AKAP7: variants seen among roughly 807,000 people sequenced by gnomAD.
AKAP7 encodes the protein A kinase (PRKA) anchor protein 7.
A neutral mutation model predicts 39.5 loss-of-function variants in AKAP7; 39 were observed. The ratio of observed to expected loss-of-function variants is 0.99; its 90% CI spans 0.76 to 1.29. AKAP7 has a LOEUF of 1.29. Among genes scored for constraint, AKAP7 ranks in the 50% most tolerant of loss-of-function variants. AKAP7 has a pLI of 0.00. For synonymous variants in AKAP7, 140 were observed against 139.1 expected (o/e 1.01, Z -0.05); for missense variants, 414 against 407.7 (o/e 1.02, Z -0.13).
At chr6:131,127,492 A>C in the AKAP7 span, among the ~76,000 whole-genome samples, 1 of 152,234 alleles carries the variant, frequency 6.6e-6, no homozygotes, top group Admixed American at 6.5e-5. Context: ...AGGAAAGGAA[A>C]CATTTAAATG....
chr6:131,212,453 A>G (rs984183464), intron 6 of AKAP7, among the ~76,000 whole-genome samples: 11 of 152,134 alleles, frequency 7.2e-5, no homozygotes, highest in Non-Finnish European at 1.6e-4. Context: ...AGACTCCCTT[A>G]TATCTGTTAC....
chr6:131,157,256 A>G (rs1163295974), intron 2 of AKAP7, among the ~76,000 whole-genome samples: 1 of 152,198 alleles, frequency 6.6e-6, no homozygotes, highest in Admixed American at 6.5e-5. Flanking sequence ...AGTAGCTATT[A>G]TTATTATTCT....
At chr6:131,229,243 C>G (rs1044839437) in intron 7 of AKAP7, among the ~76,000 whole-genome samples, 3 of 152,170 alleles carry the variant, frequency 2.0e-5, no homozygotes, top group Non-Finnish European at 4.4e-5. Flanking sequence ...TCATAAAATT[C>G]AAGCTTTCAA....
intron 5 of AKAP7, among the ~76,000 whole-genome samples, chr6:131,191,548 C>T (rs1297869113): frequency 6.6e-6 from 1 of 152,052 alleles, no homozygotes; most frequent in Non-Finnish European, 1.5e-5. Flanking sequence ...TTCCTTGCTG[C>T]TAGGGAAGGA....
intron 7 of AKAP7, among the ~76,000 whole-genome samples, chr6:131,262,783 A>G (rs556789830): frequency 1.3e-5 from 2 of 152,328 alleles, no homozygotes; most frequent in East Asian, 3.9e-4. Context: ...AAGTTTGTTA[A>G]CCACGTGTTC....
chr6:131,164,005 A>G (rs553784293), intron 3 of AKAP7, among the ~76,000 whole-genome samples: 2 of 152,214 alleles, frequency 1.3e-5, no homozygotes, highest in East Asian at 1.9e-4. Flanking sequence ...GAGTCTGTCA[A>G]TGGGAAGTGA....
intron 7 of AKAP7, among the ~76,000 whole-genome samples, chr6:131,247,269 G>GTGTGTATA (rs1244438178): frequency 1.1e-5 from 1 of 91,922 alleles, no homozygotes; most frequent in Non-Finnish European, 2.0e-5. Context: ...CATTTCATAT[G>GTGTGTATA]TATATATATA....
chr6:131,140,062 A>G (rs1359971940), intron 1 of AKAP7, among the ~76,000 whole-genome samples: 1 of 152,172 alleles, frequency 6.6e-6, no homozygotes, highest in Non-Finnish European at 1.5e-5. Context: ...ATTGTTCTTA[A>G]CTGTTCACAC....
At chr6:131,179,497 A>G (rs1274074746) in intron 5 of AKAP7, among the ~76,000 whole-genome samples, 4 of 152,096 alleles carry the variant, frequency 2.6e-5, no homozygotes, top group Admixed American at 1.3e-4. Context: ...TTGATTGACT[A>G]TCTTTGTGGC....
At chr6:131,225,515 A>C (rs1435273509) in intron 7 of AKAP7, among the ~76,000 whole-genome samples, 1 of 152,172 alleles carries the variant, frequency 6.6e-6, no homozygotes, top group Non-Finnish European at 1.5e-5. Flanking sequence ...GTTGCTTTTA[A>C]TTTTGGACAA....
intron 6 of AKAP7, among the ~76,000 whole-genome samples, chr6:131,213,821 A>G (rs1031653697): frequency 1.3e-5 from 2 of 152,200 alleles, no homozygotes; most frequent in Non-Finnish European, 2.9e-5. Flanking sequence ...ACAAACAATG[A>G]GCTTACGTGG....
At chr6:131,233,860 T>A (rs1323087142) in intron 7 of AKAP7, among the ~76,000 whole-genome samples, 1 of 152,236 alleles carries the variant, frequency 6.6e-6, no homozygotes, top group East Asian at 1.9e-4. Context: ...TATTTTGCAT[T>A]AAATTGTATT....
chr6:131,199,436 C>A (rs190916095), intron 5 of AKAP7, 25 bp from the exon 6 acceptor site: 1 of 1,468,152 alleles, frequency 6.8e-7, no homozygotes, highest in Non-Finnish European at 9.4e-7. Flanking sequence ...AGTAGCATTT[C>A]TTTGTTTCTC....
intron 7 of AKAP7, among the ~76,000 whole-genome samples, chr6:131,245,013 C>G (rs1031794784): frequency 2.0e-5 from 3 of 152,104 alleles, no homozygotes; most frequent in Admixed American, 1.3e-4. Flanking sequence ...AAAAAAGATT[C>G]TTGGCTTCCA....
chr6:131,269,148 C>T (rs997135824), intron 7 of AKAP7, among the ~76,000 whole-genome samples: 3 of 152,086 alleles, frequency 2.0e-5, no homozygotes, highest in African/African-American at 4.8e-5. Flanking sequence ...TTGCAACCTT[C>T]GCCTCCTGGG....
chr6:131,231,066 A>G (rs1167781870), intron 7 of AKAP7, among the ~76,000 whole-genome samples: 1 of 152,126 alleles, frequency 6.6e-6, no homozygotes, highest in African/African-American at 2.4e-5. Flanking sequence ...TGTAATCTGT[A>G]GATAGTTAAC....
chr6:131,217,307 C>G (rs942735706), intron 6 of AKAP7, among the ~76,000 whole-genome samples: 1 of 151,068 alleles, frequency 6.6e-6, no homozygotes, highest in Non-Finnish European at 1.5e-5. Context: ...CATAGTCTTC[C>G]TTTTTTTTTA....
intron 2 of AKAP7, among the ~76,000 whole-genome samples, chr6:131,156,916 A>G (rs1222792724): frequency 6.6e-6 from 1 of 151,934 alleles, no homozygotes; most frequent in East Asian, 2.0e-4. Flanking sequence ...CTGGGACTAC[A>G]GGCGGTCGCC....
At chr6:131,130,487 G>A (rs1215771643), upstream of AKAP7, among the ~76,000 whole-genome samples, 1 of 152,160 alleles carries the variant, frequency 6.6e-6, no homozygotes, top group Non-Finnish European at 1.5e-5. Context: ...GTAGAGACAG[G>A]GTTTTGCCAT....
Sources: allele counts gnomAD v4.1 joint callset (sites outside exome capture counted in the v4.1 genomes callset), GRCh38; gene constraint gnomAD v4.1.1; transcripts MANE v1.5; gene names NCBI Gene and HGNC (gene_info 2026-07-23, HGNC 2026-07-21).